The following HS3ST2 variants were observed in gnomAD, a reference collection of about 807,000 sequenced individuals.
HS3ST2 encodes heparan sulfate-glucosamine 3-sulfotransferase 2, also known as heparan sulfate glucosamine 3-O-sulfotransferase 2.
HS3ST2 carries 17 observed loss-of-function variants against 26.3 expected under a neutral mutation model. That is an observed-to-expected ratio of 0.65 (90% confidence interval 0.44 to 0.97). The LOEUF is 0.97. HS3ST2 is among the 50% of genes least tolerant of loss of function. The pLI, the probability that HS3ST2 is intolerant of heterozygous loss-of-function variation, is 0.00. For synonymous variants in HS3ST2, 237 were observed against 219.2 expected (o/e 1.08, Z -0.72); for missense variants, 402 against 501.2 (o/e 0.80, Z 1.89).
At chr16:22,898,653 G>A (rs916616029) in intron 1 of HS3ST2, among the ~76,000 whole-genome samples, 15 of 152,180 alleles carry the variant, frequency 9.9e-5, no homozygotes, top group Admixed American at 5.2e-4. Context: ...TGCAGAGCTG[G>A]ACCATTCTAT....
intron 1 of HS3ST2, among the ~76,000 whole-genome samples, chr16:22,819,601 A>T (rs1900958372): frequency 6.6e-6 from 1 of 152,204 alleles, no homozygotes; most frequent in Admixed American, 6.5e-5. Context: ...AGAGCAAGTT[A>T]ATATGTGATA....
At chr16:22,821,691 A>G (rs1596602977) in intron 1 of HS3ST2, among the ~76,000 whole-genome samples, 1 of 152,170 alleles carries the variant, frequency 6.6e-6, no homozygotes, top group Non-Finnish European at 1.5e-5. Flanking sequence ...GCTTGGTGCC[A>G]GGCTGCTGTA....
chr16:22,905,513 G>A (rs1289251929), intron 1 of HS3ST2, among the ~76,000 whole-genome samples: 1 of 151,762 alleles, frequency 6.6e-6, no homozygotes, highest in South Asian at 2.1e-4. Context: ...TTTATAGCAT[G>A]AGAAAGAGGG....
At chr16:22,869,737 G>A (rs1901806626) in intron 1 of HS3ST2, among the ~76,000 whole-genome samples, 1 of 152,184 alleles carries the variant, frequency 6.6e-6, no homozygotes, top group Non-Finnish European at 1.5e-5. Context: ...CCCACCACAT[G>A]TGGGAATTGT....
At chr16:22,840,780 G>A (rs1452208324) in intron 1 of HS3ST2, among the ~76,000 whole-genome samples, 1 of 152,066 alleles carries the variant, frequency 6.6e-6, no homozygotes, top group Admixed American at 6.5e-5. Flanking sequence ...TGGAGTAGGT[G>A]GTGACAGTCC....
intron 1 of HS3ST2, among the ~76,000 whole-genome samples, chr16:22,840,712 G>A (rs1891386502): frequency 6.6e-6 from 1 of 152,088 alleles, no homozygotes; most frequent in Non-Finnish European, 1.5e-5. Context: ...AAAGAATGGG[G>A]GAATTATCAT....
intron 1 of HS3ST2, among the ~76,000 whole-genome samples, chr16:22,882,663 A>G (rs937819652): frequency 1.3e-5 from 2 of 152,062 alleles, no homozygotes; most frequent in African/African-American, 4.8e-5. Flanking sequence ...CCCAGGAGGC[A>G]GAGGTTGCAG....
chr16:22,897,133 C>A (rs978862215), intron 1 of HS3ST2, among the ~76,000 whole-genome samples: 11 of 152,310 alleles, frequency 7.2e-5, no homozygotes, highest in African/African-American at 2.6e-4. Context: ...AGCCTATGCT[C>A]AACTCTTGTC....
At chr16:22,824,250 C>T (rs751719219) in intron 1 of HS3ST2, among the ~76,000 whole-genome samples, 2 of 152,178 alleles carry the variant, frequency 1.3e-5, no homozygotes, top group Non-Finnish European at 1.5e-5. Flanking sequence ...TGACGTGAAG[C>T]TTAAAAACAT....
chr16:22,875,615 T>G (rs892802083), intron 1 of HS3ST2, among the ~76,000 whole-genome samples: 3 of 148,060 alleles, frequency 2.0e-5, no homozygotes, highest in African/African-American at 8.0e-5. Context: ...TCTCCTGACC[T>G]CATGATCTGC....
In HS3ST2 at chr16:22,898,529, T is replaced by A. The variant is rs189325168; in HGVS notation, c.486-16415T>A. Among the ~76,000 whole-genome samples the A allele has an allele frequency of 5.3e-5, 8 of 152,258 alleles. No homozygotes were observed. The East Asian group carries it at 1.2e-3, about 22-fold the overall frequency. Reference sequence around the variant, plus strand: ...CACAGGAAGAGCCAGGGTAAAGTGATCCAGGCAGAAAGAACAGCACAGCCC... The same window carrying A: ...CACAGGAAGAGCCAGGGTAAAGTGAACCAGGCAGAAAGAACAGCACAGCCC... On this transcript the variant is annotated intron_variant, in intron 1 of 1. Transcript: ENST00000261374.
In HS3ST2 at chr16:22,915,713, T is replaced by A. The variant is rs1008988130; in HGVS notation, c.*151T>A. 2.3e-5 allele frequency: 19 copies of A among 822,864 alleles called. No homozygotes were observed. The South Asian group carries it at 2.6e-4, about 11-fold the overall frequency. The allele number at this position is 822,864 out of a possible 1,614,324, so 51.0% of individuals were successfully genotyped here. ...TCATCTTGGAACCAGGAAGCCCAGC[T>A]AAAGCCAAGAGACCAGAGAGTCCCT... On this transcript the variant is annotated 3_prime_UTR_variant, in exon 2 of 2. Coordinates refer to ENST00000261374, the MANE Select transcript of HS3ST2 (RefSeq NM_006043.2).
In HS3ST2 at chr16:22,835,255, C is replaced by T. The variant is rs140131630; in HGVS notation, c.485+20160C>T. ...TGGAGCCTTCTTTATTCCCCTGTTA[C>T]TTCCCTCTGAGGTAGAAGTTATATA... On this transcript the variant is annotated intron_variant, in intron 1 of 1. Transcript: ENST00000261374. 2.5e-3 allele frequency among the ~76,000 whole-genome samples: 385 copies of T among 152,012 alleles called. 5 individuals are homozygous for T. Among genetic ancestry groups the T allele is most frequent in the Middle Eastern group, 0.014 (4 of 294 alleles).
At chr16:22,879,435 G>GC (rs1901959511) in intron 1 of HS3ST2, among the ~76,000 whole-genome samples, 1 of 152,152 alleles carries the variant, frequency 6.6e-6, no homozygotes, top group South Asian at 2.1e-4. Context: ...CTGTGTTCTT[G>GC]CCAGGTGTTC....
intron 1 of HS3ST2, among the ~76,000 whole-genome samples, chr16:22,902,452 G>C (rs978564197): frequency 2.0e-5 from 3 of 152,178 alleles, no homozygotes; most frequent in Non-Finnish European, 4.4e-5. Flanking sequence ...CCTGCCCTCC[G>C]GGAACAATCT....
intron 1 of HS3ST2, among the ~76,000 whole-genome samples, chr16:22,855,496 A>C (rs1000972049): frequency 6.6e-5 from 10 of 152,102 alleles, no homozygotes; most frequent in African/African-American, 2.2e-4. Flanking sequence ...CTGCCTTGGG[A>C]AATTTCCCCT....
chr16:22,849,804 C>T (rs1024798881), intron 1 of HS3ST2, among the ~76,000 whole-genome samples: 3 of 152,220 alleles, frequency 2.0e-5, no homozygotes, highest in Admixed American at 6.5e-5. Context: ...TTGGCTTCTA[C>T]TCGATAACCT....
At chr16:22,824,602 G>A (rs1901055525) in intron 1 of HS3ST2, among the ~76,000 whole-genome samples, 1 of 152,100 alleles carries the variant, frequency 6.6e-6, no homozygotes, top group Non-Finnish European at 1.5e-5. Context: ...TTATACACAG[G>A]GCTGGGTAGG....
chr16:22,848,344 C>T (rs2141184764), intron 1 of HS3ST2, among the ~76,000 whole-genome samples: 1 of 152,236 alleles, frequency 6.6e-6, no homozygotes, highest in South Asian at 2.1e-4. Flanking sequence ...AATACAGTTC[C>T]TACAATAGGC....
Sources: allele counts gnomAD v4.1 joint callset (sites outside exome capture counted in the v4.1 genomes callset), GRCh38; gene constraint gnomAD v4.1.1; transcripts MANE v1.5; gene names NCBI Gene and HGNC (gene_info 2026-07-23, HGNC 2026-07-21).